ACACA: variants seen among roughly 807,000 people sequenced by gnomAD.
The protein encoded by ACACA is acetyl-CoA carboxylase 1.
ACACA carries 103 observed loss-of-function variants against 296.1 expected under a neutral mutation model. The observed-to-expected ratio is 0.35, with a 90% CI of 0.30 to 0.41. The LOEUF (loss-of-function observed/expected upper bound fraction) is 0.41, where lower values mean the gene tolerates loss of function less well. ACACA is among the 10% of genes least tolerant of loss of function. The pLI, the probability that ACACA is intolerant of heterozygous loss-of-function variation, is 1.00. For missense variants in ACACA, 1,554 were observed against 2,989.7 expected, an observed-to-expected ratio of 0.52 and a Z score of 11.20; for synonymous variants, 953 against 1,038.6, an observed-to-expected ratio of 0.92 and a Z score of 1.58.
chr17:37,393,249 A>G (rs1287516220), intron 1 of ACACA, among the ~76,000 whole-genome samples: 1 of 152,068 alleles, frequency 6.6e-6, no homozygotes, highest in East Asian at 1.9e-4. Flanking sequence ...TGGATGAATG[A>G]GTATATTATT....
chr17:37,229,130 C>T (rs932504705), intron 25 of ACACA, among the ~76,000 whole-genome samples: 6 of 135,940 alleles, frequency 4.4e-5, no homozygotes, highest in Non-Finnish European at 9.3e-5. Flanking sequence ...GGCAACAGAG[C>T]GAGACTCCGT....
intron 1 of ACACA, among the ~76,000 whole-genome samples, chr17:37,346,403 GA>G (rs1446934441): frequency 6.6e-6 from 1 of 150,788 alleles, no homozygotes; most frequent in Non-Finnish European, 1.5e-5. Context: ...GAAACGATAA[GA>G]AAAAATATCT....
intron 1 of ACACA, chr17:37,378,039 T>G: frequency 7.6e-7 from 1 of 1,321,838 alleles, no homozygotes; most frequent in Non-Finnish European, 1.1e-6. Flanking sequence ...ATATCTCATC[T>G]TCCCACTTCC....
At chr17:37,325,575 C>CTTTGTTTTTTTTTTTTT in intron 3 of ACACA, among the ~76,000 whole-genome samples, 1 of 98,308 alleles carries the variant, frequency 1.0e-5, no homozygotes, top group South Asian at 3.2e-4. Flanking sequence ...ATTTTCTTTT[C>CTTTGTTTTTTTTTTTTT]TTTCTTTTTT....
At chr17:37,203,208 C>T (rs1250451014) in intron 33 of ACACA, among the ~76,000 whole-genome samples, 1 of 151,904 alleles carries the variant, frequency 6.6e-6, no homozygotes, top group Non-Finnish European at 1.5e-5. Flanking sequence ...GATCTGCCCG[C>T]CTTGGCCTCC....
chr17:37,393,546 A>C lies in ACACA; in HGVS notation c.38+12716T>G, dbSNP rs911787744. Among the ~76,000 whole-genome samples the C allele has an allele frequency of 1.9e-4, 29 of 152,226 alleles. No individual in the cohort carries two copies. The East Asian group carries it at 2.3e-3, about 12-fold the overall frequency. ...AATCTGCGCTCATCAACTCTTCTACAAGAGTATAATTGGAGGCCGGGCACG... is the reference window on the plus strand; with the variant it reads ...AATCTGCGCTCATCAACTCTTCTACCAGAGTATAATTGGAGGCCGGGCACG... On this transcript the variant is annotated intron_variant, in intron 1 of 55. Transcript: ENST00000616317.
At chr17:37,207,025 C>T (rs2078533706) in intron 31 of ACACA, 146 bp from the exon 32 acceptor site, 12 of 755,896 alleles carry the variant, frequency 1.6e-5, no homozygotes, top group Non-Finnish European at 2.7e-5. Flanking sequence ...CTAGAGGTGA[C>T]ATGCAAAATT....
intron 52 of ACACA, among the ~76,000 whole-genome samples, chr17:37,104,838 A>G (rs2142904006): frequency 6.7e-6 from 1 of 149,328 alleles, no homozygotes; most frequent in East Asian, 2.0e-4. Context: ...GCTACTTGGG[A>G]CTGAGGTGGG....
At chr17:37,399,750 A>G (rs973315026) in intron 1 of ACACA, among the ~76,000 whole-genome samples, 3 of 152,164 alleles carry the variant, frequency 2.0e-5, no homozygotes, top group Admixed American at 6.6e-5. Context: ...TTTAATGGCC[A>G]TGGTATTATG....
chr17:37,285,102 C>A, intron 3 of ACACA, 132 bp from the exon 4 acceptor site: 18 of 978,734 alleles, frequency 1.8e-5, no homozygotes, highest in Middle Eastern at 2.2e-4. Flanking sequence ...ACGTACTTTT[C>A]AAATAAAAGA....
intron 1 of ACACA, among the ~76,000 whole-genome samples, chr17:37,405,385 C>G (rs766013185): frequency 1.8e-4 from 27 of 152,324 alleles, no homozygotes; most frequent in Middle Eastern, 3.4e-3. Context: ...TTCCCAGCAC[C>G]TACAACAAGC....
At chr17:37,091,815 G>A (rs900527260) in intron 54 of ACACA, among the ~76,000 whole-genome samples, 1 of 151,902 alleles carries the variant, frequency 6.6e-6, no homozygotes, top group Non-Finnish European at 1.5e-5. Flanking sequence ...GGCTCAAGCA[G>A]TTCCCCTGCC....
intron 4 of ACACA, 25 bp from the exon 5 acceptor site, chr17:37,283,430 T>C (rs773510224): frequency 3.1e-6 from 5 of 1,613,572 alleles, no homozygotes; most frequent in Non-Finnish European, 3.4e-6. Context: ...GAGATGGGAA[T>C]GGGAAGAAAA....
chr17:37,094,572 A>T (rs199520650), intron 54 of ACACA, among the ~76,000 whole-genome samples: 1 of 114,486 alleles, frequency 8.7e-6, no homozygotes, highest in African/African-American at 3.1e-5. Flanking sequence ...TTGAAGAACC[A>T]CCCCCCCCCC....
At chr17:37,247,218 C>T (rs2080752172) in intron 18 of ACACA, among the ~76,000 whole-genome samples, 1 of 151,982 alleles carries the variant, frequency 6.6e-6, no homozygotes, top group South Asian at 2.1e-4. Flanking sequence ...ATAACAGGTA[C>T]CACCATTTAA....
At chr17:37,224,661 A>G (rs1287312417) in intron 27 of ACACA, among the ~76,000 whole-genome samples, 4 of 152,058 alleles carry the variant, frequency 2.6e-5, no homozygotes, top group Admixed American at 2.0e-4. Context: ...GTGTATATAT[A>G]TATATATATC....
chr17:37,158,452 A>G (rs1268266830), intron 42 of ACACA, among the ~76,000 whole-genome samples: 1 of 152,076 alleles, frequency 6.6e-6, no homozygotes, highest in Non-Finnish European at 1.5e-5. Flanking sequence ...CAACGTGGGG[A>G]AACCCCATCT....
In ACACA at chr17:37,103,722, A is replaced by AACAC. The variant is rs3049593; in HGVS notation, c.6566-5742_6566-5739dup. ...AAGACCCTGTCTCTACAAACACACA[A>AACAC]ACACACACACACACACACACACACA... On this transcript the variant is annotated intron_variant, in intron 52 of 55. Transcript: ENST00000616317. Among the ~76,000 whole-genome samples the AACAC allele has an allele frequency of 3.3e-3, 497 of 148,798 alleles. 1 individual carries two copies. The highest frequency in any genetic ancestry group is 0.03 in the South Asian group (142 of 4,712).
intron 1 of ACACA, chr17:37,345,318 C>T (rs1259088353): frequency 6.6e-6 from 1 of 152,314 alleles, no homozygotes. Context: ...TCCCAAAGTG[C>T]TGGGATTATA....
Sources: gnomAD v4.1 joint callset for allele counts (sites outside exome capture counted in the v4.1 genomes callset) on GRCh38, gnomAD v4.1.1 for gene constraint, MANE v1.5 for transcripts, NCBI Gene and HGNC (gene_info 2026-07-23, HGNC 2026-07-21) for gene names.